HIVEP1: variants seen among roughly 807,000 people sequenced by gnomAD.
The protein encoded by HIVEP1 is zinc finger protein 40.
In HIVEP1, 36 loss-of-function variants were observed where a neutral mutation model predicts 180.0. The ratio of observed to expected loss-of-function variants is 0.20; its 90% CI spans 0.15 to 0.26. The LOEUF (loss-of-function observed/expected upper bound fraction) is 0.26, where lower values mean the gene tolerates loss of function less well. HIVEP1 is among the 10% of genes least tolerant of loss of function. The pLI is 1.00. For missense variants in HIVEP1, 3,143 were observed against 3,268.7 expected, an observed-to-expected ratio of 0.96 and a Z score of 0.94; for synonymous variants, 1,239 against 1,239.0, an observed-to-expected ratio of 1.00 and a Z score of 0.00.
downstream of HIVEP1, among the ~76,000 whole-genome samples, chr6:12,165,421 C>T (rs927839295): frequency 1.3e-5 from 2 of 152,164 alleles, no homozygotes; most frequent in Non-Finnish European, 2.9e-5. Context: ...GCTATGGGCT[C>T]TTCTTTCCCT....
At chr6:12,165,081 T>C (rs1296235627), downstream of HIVEP1, 4 of 500,026 alleles carry the variant, frequency 8.0e-6, no homozygotes, top group Admixed American at 2.1e-5. Flanking sequence ...TTCCATTCTT[T>C]CCACATTCCC....
chr6:12,047,839 C>T (rs1229690550), intron 2 of HIVEP1, among the ~76,000 whole-genome samples: 2 of 152,194 alleles, frequency 1.3e-5, no homozygotes, highest in Non-Finnish European at 2.9e-5. Context: ...AGTCATGGAA[C>T]CCTCTTAGTT....
chr6:12,112,568 C>T (rs1774967137), intron 3 of HIVEP1, among the ~76,000 whole-genome samples: 2 of 152,108 alleles, frequency 1.3e-5, no homozygotes, highest in South Asian at 4.2e-4. Context: ...CTTTTCCTGC[C>T]GGTTCCTTGT....
intron 2 of HIVEP1, among the ~76,000 whole-genome samples, chr6:12,081,221 C>T (rs915096861): frequency 1.2e-4 from 18 of 152,122 alleles, no homozygotes; most frequent in Non-Finnish European, 2.2e-4. Context: ...TAGATGAAAC[C>T]GCTGTGCAGA....
intron 2 of HIVEP1, among the ~76,000 whole-genome samples, chr6:12,042,366 C>A (rs1354292312): frequency 7.1e-6 from 1 of 140,080 alleles, no homozygotes; most frequent in Admixed American, 7.4e-5. Flanking sequence ...CAGGCGTGAG[C>A]CACCGCACCC....
chr6:12,173,412 T>C, the HIVEP1 span, among the ~76,000 whole-genome samples: 1 of 152,184 alleles, frequency 6.6e-6, no homozygotes, highest in East Asian at 1.9e-4. Context: ...ATGTGCAGAC[T>C]TTATGAGGGA....
intron 1 of HIVEP1, among the ~76,000 whole-genome samples, chr6:12,013,748 T>C (rs1300439369): frequency 6.6e-6 from 1 of 152,250 alleles, no homozygotes; most frequent in Non-Finnish European, 1.5e-5. Context: ...GATGTTTCTT[T>C]AGAGCAAGGA....
chr6:12,064,374 G>A (rs1771429820), intron 2 of HIVEP1, among the ~76,000 whole-genome samples: 1 of 152,116 alleles, frequency 6.6e-6, no homozygotes, highest in African/African-American at 2.4e-5. Context: ...TGTTTTGGGA[G>A]CTATTTCAAT....
intron 4 of HIVEP1, among the ~76,000 whole-genome samples, chr6:12,129,396 A>C (rs1410139167): frequency 6.6e-6 from 1 of 152,236 alleles, no homozygotes; most frequent in African/African-American, 2.4e-5. Context: ...CTCTTTAAGA[A>C]ATGTACTTAA....
At chr6:12,114,992 A>G (rs1203394188) in intron 3 of HIVEP1, among the ~76,000 whole-genome samples, 1 of 152,206 alleles carries the variant, frequency 6.6e-6, no homozygotes. Flanking sequence ...TTCAGCTGAC[A>G]TGTCTCTGAG....
intron 2 of HIVEP1, among the ~76,000 whole-genome samples, chr6:12,043,335 T>C (rs1297498117): frequency 6.6e-6 from 1 of 151,980 alleles, no homozygotes; most frequent in African/African-American, 2.4e-5. Context: ...ATTTCTCCTA[T>C]TCCCACTTTC....
At chr6:12,177,417 C>T in the HIVEP1 span, among the ~76,000 whole-genome samples, 5 of 152,270 alleles carry the variant, frequency 3.3e-5, no homozygotes, top group South Asian at 8.3e-4. Context: ...TCCTCCTCTA[C>T]CTACAAGTTT....
chr6:12,161,026 A>G (rs1456059234), intron 7 of HIVEP1, among the ~76,000 whole-genome samples: 1 of 152,246 alleles, frequency 6.6e-6, no homozygotes, highest in Admixed American at 6.5e-5. Context: ...TTTGTTCAGT[A>G]AAAGGAAGAT....
At chr6:12,114,819 G>A (rs1775119032) in intron 3 of HIVEP1, among the ~76,000 whole-genome samples, 1 of 152,190 alleles carries the variant, frequency 6.6e-6, no homozygotes, top group Non-Finnish European at 1.5e-5. Flanking sequence ...TGAGATTGAT[G>A]CCTGAGTTCA....
rs924545432 is a variant in HIVEP1 at position 12,120,803 on chromosome 6, A to G, written c.1008A>G (p.Leu336=). The G allele has an allele frequency of 5.6e-6, 9 of 1,614,070 alleles. No individual in the cohort carries two copies. Among genetic ancestry groups the G allele is most frequent in the Admixed American group, 1.7e-5 (1 of 60,008 alleles). ...TAGCAGTGACATCATCTGTAGGCCT[A>G]ACTTCACCTTCCAGTAGATCTCAGG... ...YNIAVTSSVG[L]TSPSSRSQVT... The change falls in exon 4 of 9, where the codon CTA becomes CTG. Residue 336 remains leucine (L), a synonymous_variant. Coordinates refer to ENST00000379388, the MANE Select transcript of HIVEP1 (RefSeq NM_002114.4).
intron 3 of HIVEP1, among the ~76,000 whole-genome samples, chr6:12,093,321 T>C (rs1052285350): frequency 2.0e-5 from 3 of 151,874 alleles, no homozygotes; most frequent in African/African-American, 7.2e-5. Flanking sequence ...TATTTTTTAC[T>C]TCATTTAAAG....
chr6:12,111,686 T>C (rs1307930750), intron 3 of HIVEP1, among the ~76,000 whole-genome samples: 1 of 152,260 alleles, frequency 6.6e-6, no homozygotes, highest in Non-Finnish European at 1.5e-5. Context: ...GTCTCTCTCC[T>C]GCCTCTTCAG....
At chr6:12,113,127 TGTAA>T (rs2113468375) in intron 3 of HIVEP1, among the ~76,000 whole-genome samples, 1 of 151,580 alleles carries the variant, frequency 6.6e-6, no homozygotes, top group African/African-American at 2.4e-5. Flanking sequence ...TTAAAGAGCC[TGTAA>T]GTGAGTGTGG....
At chr6:12,141,690 GCA>G (rs1759041489) in intron 7 of HIVEP1, among the ~76,000 whole-genome samples, 2 of 3,158 alleles carry the variant, frequency 6.3e-4, no homozygotes, top group Admixed American at 5.4e-3. Flanking sequence ...CAAATGGAAA[GCA>G]AAAAAAAAAA....
Sources: allele counts gnomAD v4.1 joint callset (sites outside exome capture counted in the v4.1 genomes callset), GRCh38; gene constraint gnomAD v4.1.1; transcripts MANE v1.5; gene names NCBI Gene and HGNC (gene_info 2026-07-23, HGNC 2026-07-21).